The following SORCS1 variants were observed in gnomAD, a reference collection of about 807,000 sequenced individuals.
SORCS1 encodes sortilin related VPS10 domain containing receptor 1.
A neutral mutation model predicts 146.1 loss-of-function variants in SORCS1; 60 were observed. The observed-to-expected ratio is 0.41, with a 90% CI of 0.33 to 0.51. The LOEUF (loss-of-function observed/expected upper bound fraction) is 0.51. Among genes scored for constraint, SORCS1 ranks in the 20% least tolerant of loss-of-function variants. The pLI is 0.21. For missense variants in SORCS1, 1,352 were observed against 1,487.6 expected (o/e 0.91, Z 1.50); for synonymous variants, 637 against 584.0 (o/e 1.09, Z -1.31).
At chr10:106,787,355 A>C (rs1946103006) in intron 3 of SORCS1, among the ~76,000 whole-genome samples, 1 of 152,218 alleles carries the variant, frequency 6.6e-6, no homozygotes, top group African/African-American at 2.4e-5. Flanking sequence ...AACAACAACA[A>C]AAGGCCATTT....
At chr10:106,594,138 G>A (rs1302361824) in intron 24 of SORCS1, among the ~76,000 whole-genome samples, 1 of 152,172 alleles carries the variant, frequency 6.6e-6, no homozygotes, top group East Asian at 1.9e-4. Flanking sequence ...AAGCCAGCTG[G>A]CCAAACCAGT....
At chr10:107,119,232 A>G (rs1473979916) in intron 1 of SORCS1, among the ~76,000 whole-genome samples, 2 of 152,346 alleles carry the variant, frequency 1.3e-5, no homozygotes, top group African/African-American at 4.8e-5. Flanking sequence ...GTAAGGGTTT[A>G]GAGATGAATC....
chr10:106,861,234 C>T (rs1177553671), intron 2 of SORCS1, among the ~76,000 whole-genome samples: 4 of 151,874 alleles, frequency 2.6e-5, no homozygotes, highest in African/African-American at 9.7e-5. Context: ...CTTGTCTCTA[C>T]TAAAATACAA....
chr10:106,878,872 G>A (rs151134313), intron 2 of SORCS1, among the ~76,000 whole-genome samples: 2,119 of 151,492 alleles, frequency 0.014, 64 homozygotes, highest in African/African-American at 0.049. Flanking sequence ...ATTTCCCTGG[G>A]CGCAATGACT....
At position 106,837,040 on chromosome 10, in the gene SORCS1, C is replaced by T. The variant is rs79325704; in HGVS notation, c.627-7367G>A. On this transcript the variant is annotated intron_variant, in intron 2 of 25. Coordinates refer to ENST00000263054, the MANE Select transcript of SORCS1 (RefSeq NM_052918.5). ...TATGTTGCCCAGTGCAATGCCAATACGTCAAAACTAGATTCCTATTCAGCT... is the reference window on the plus strand; with the variant it reads ...TATGTTGCCCAGTGCAATGCCAATATGTCAAAACTAGATTCCTATTCAGCT... Among the ~76,000 whole-genome samples the T allele has an allele frequency of 2.3e-3, 346 of 152,260 alleles. 2 individuals carry two copies. The highest frequency in any genetic ancestry group is 8.1e-3 in the African/African-American group (335 of 41,552).
chr10:106,712,300 CAGTT>C (rs1023849370), intron 6 of SORCS1, among the ~76,000 whole-genome samples: 7 of 152,076 alleles, frequency 4.6e-5, no homozygotes, highest in African/African-American at 1.7e-4. Context: ...AGCAAGTTGT[CAGTT>C]AGGCAATCAG....
intron 2 of SORCS1, among the ~76,000 whole-genome samples, chr10:106,931,433 TGAGAAGAGCATG>T: frequency 6.6e-6 from 1 of 152,160 alleles, no homozygotes; most frequent in Non-Finnish European, 1.5e-5. Context: ...CAGAACTCAC[TGAGAAGAGCATG>T]GAAGCGGGTG....
chr10:106,699,954 G>C (rs566428265), intron 8 of SORCS1, among the ~76,000 whole-genome samples: 19 of 152,258 alleles, frequency 1.2e-4, no homozygotes, highest in African/African-American at 3.6e-4. Flanking sequence ...AGTTTGAAAA[G>C]CACTGCCCAA....
rs1460766227 is a variant in SORCS1 at position 106,944,485 on chromosome 10, G to A, written c.626+12028C>T. On this transcript the variant is annotated intron_variant, in intron 2 of 25. Transcript: ENST00000263054. ...CAGAAAGCTCTTCCTTCCCCACCCAGAGAACCTATGGTACTTCTACTATGG... is the reference window on the plus strand; with the variant it reads ...CAGAAAGCTCTTCCTTCCCCACCCAAAGAACCTATGGTACTTCTACTATGG... Among the ~76,000 whole-genome samples, 3 of 152,088 alleles carry A rather than the reference G, an allele frequency of 2.0e-5. No individual in the cohort carries two copies. In the East Asian group the frequency reaches 5.8e-4, roughly 29 times the overall value.
intron 24 of SORCS1, among the ~76,000 whole-genome samples, chr10:106,597,120 G>A (rs1845951492): frequency 6.6e-6 from 1 of 152,148 alleles, no homozygotes; most frequent in Non-Finnish European, 1.5e-5. Flanking sequence ...CCAAAGTGGT[G>A]GGATCACAGG....
chr10:106,577,924 T>A, intron 25 of SORCS1: 1 of 177,178 alleles, frequency 5.6e-6, no homozygotes, highest in Non-Finnish European at 1.2e-5. Flanking sequence ...TTATCTATGA[T>A]AGGAGCCAGT....
chr10:106,821,643 A>G (rs1408004942), intron 3 of SORCS1, among the ~76,000 whole-genome samples: 2 of 152,116 alleles, frequency 1.3e-5, no homozygotes, highest in African/African-American at 4.8e-5. Context: ...TGTACTAGGC[A>G]GGGCATGGTG....
At chr10:106,708,239 AGAAATG>A (rs1210576186) in intron 7 of SORCS1, among the ~76,000 whole-genome samples, 1 of 145,910 alleles carries the variant, frequency 6.9e-6, no homozygotes, top group Non-Finnish European at 1.5e-5. Flanking sequence ...TGAAGAATAA[AGAAATG>A]GTGTGTGTGT....
chr10:107,117,901 GGACTTA>G (rs1966143043), intron 1 of SORCS1, among the ~76,000 whole-genome samples: 1 of 152,032 alleles, frequency 6.6e-6, no homozygotes, highest in Non-Finnish European at 1.5e-5. Context: ...AAGAGACTTG[GGACTTA>G]GACTTTACAG....
intron 1 of SORCS1, among the ~76,000 whole-genome samples, chr10:107,088,416 G>T (rs963889638): frequency 2.0e-5 from 3 of 152,068 alleles, no homozygotes; most frequent in African/African-American, 2.4e-5. Flanking sequence ...GGCAGGCCCT[G>T]GGGGGGACGG....
intron 1 of SORCS1, among the ~76,000 whole-genome samples, chr10:107,022,488 G>T (rs1958193849): frequency 6.6e-6 from 1 of 151,840 alleles, no homozygotes; most frequent in African/African-American, 2.4e-5. Context: ...CATATGCTTG[G>T]CATAAGAGAT....
chr10:106,684,299 C>T (rs1274831502), intron 10 of SORCS1, among the ~76,000 whole-genome samples: 1 of 152,206 alleles, frequency 6.6e-6, no homozygotes, highest in Non-Finnish European at 1.5e-5. Flanking sequence ...GATCGCACCA[C>T]TGCACTCCAG....
At chr10:107,054,431 C>T (rs1960406111) in intron 1 of SORCS1, among the ~76,000 whole-genome samples, 5 of 151,976 alleles carry the variant, frequency 3.3e-5, no homozygotes, top group Admixed American at 3.3e-4. Flanking sequence ...AAAAATGGAC[C>T]AGGTAAAGAC....
At chr10:107,085,259 A>C (rs1297574109) in intron 1 of SORCS1, among the ~76,000 whole-genome samples, 39 of 152,344 alleles carry the variant, frequency 2.6e-4, no homozygotes. Flanking sequence ...GCCTTTTTAC[A>C]AAAGCCTGAT....
Sources: allele counts gnomAD v4.1 joint callset (sites outside exome capture counted in the v4.1 genomes callset), GRCh38; gene constraint gnomAD v4.1.1; transcripts MANE v1.5; gene names NCBI Gene and HGNC (gene_info 2026-07-23, HGNC 2026-07-21).